Variants in SLC12A2 observed in about 807,000 individuals in gnomAD.
SLC12A2 encodes the protein Na-K-2Cl cotransporter 1.
Under a neutral mutation model 136.3 loss-of-function variants are expected in SLC12A2, and 67 were observed. That is an observed-to-expected ratio of 0.49 (90% CI 0.40 to 0.60). SLC12A2 has a LOEUF of 0.60. Among genes scored for constraint, SLC12A2 ranks in the 20% least tolerant of loss-of-function variants. The pLI is 0.00. For missense variants in SLC12A2, 1,322 were observed against 1,534.7 expected, an observed-to-expected ratio of 0.86 and a Z score of 2.32; for synonymous variants, 619 against 562.9, an observed-to-expected ratio of 1.10 and a Z score of -1.41.
At chr5:128,096,351 A>G (rs1275048646) in intron 1 of SLC12A2, among the ~76,000 whole-genome samples, 1 of 152,134 alleles carries the variant, frequency 6.6e-6, no homozygotes, top group African/African-American at 2.4e-5. Context: ...ATAAGTTTGA[A>G]TCCTGATGAG....
chr5:128,096,458 T>C (rs1760540719), intron 1 of SLC12A2, among the ~76,000 whole-genome samples: 1 of 152,068 alleles, frequency 6.6e-6, no homozygotes, highest in African/African-American at 2.4e-5. Flanking sequence ...TAGAAACTAA[T>C]GTTATGGCAA....
At chr5:128,143,290 A>G (rs1000628939) in intron 10 of SLC12A2, among the ~76,000 whole-genome samples, 2 of 152,206 alleles carry the variant, frequency 1.3e-5, no homozygotes, top group African/African-American at 4.8e-5. Context: ...TTAAAAAAGC[A>G]TTGATCAGTA....
chr5:128,092,382 A>G (rs1023599658), intron 1 of SLC12A2, among the ~76,000 whole-genome samples: 1 of 152,186 alleles, frequency 6.6e-6, no homozygotes, highest in African/African-American at 2.4e-5. Context: ...GGTCTTGGAA[A>G]GAGGTAGGAA....
At chr5:128,095,675 T>A (rs2126645703) in intron 1 of SLC12A2, among the ~76,000 whole-genome samples, 1 of 152,228 alleles carries the variant, frequency 6.6e-6, no homozygotes, top group South Asian at 2.1e-4. Context: ...ATTATGAAAT[T>A]TTTTTTGCAA....
At chr5:128,154,775 C>A (rs983393883) in intron 15 of SLC12A2, among the ~76,000 whole-genome samples, 9 of 152,106 alleles carry the variant, frequency 5.9e-5, no homozygotes, top group African/African-American at 2.2e-4. Flanking sequence ...CTTAACTAAG[C>A]CCTTATTGCA....
chr5:128,084,562 C>T lies in SLC12A2; in HGVS notation c.608C>T (p.Thr203Ile). The T allele has an allele frequency of 6.2e-7, 1 of 1,613,710 alleles. No homozygotes were observed. Among genetic ancestry groups the T allele is most frequent in the Non-Finnish European group, 8.5e-7 (1 of 1,179,988 alleles). ...SGHHQHYYYDTHTNTYYLRTF... is the reference protein window; with the variant it reads ...SGHHQHYYYDIHTNTYYLRTF... ...CACCACCAGCACTACTATTATGATA[C>T]CCACACCAACACCTACTACCTGCGC... The change falls in exon 1 of 27, where the codon ACC becomes ATC. Residue 203 changes from threonine (T) to isoleucine (I), a missense_variant. Physicochemically the swap from Thr to Ile is moderately conservative, Grantham distance 89. This residue lies in a region of SLC12A2 where 32 missense variants were observed against 63.6 expected (regional missense o/e 0.50). Transcript: ENST00000262461. The surrounding 1 kb of genome is among the most constrained non-coding windows in gnomAD (Gnocchi z 5.6).
intron 4 of SLC12A2, among the ~76,000 whole-genome samples, chr5:128,127,171 G>C (rs1490502940): frequency 7.5e-6 from 1 of 132,906 alleles, no homozygotes; most frequent in Non-Finnish European, 1.5e-5. Context: ...ACCCAGGCTG[G>C]AGTGCAGTGG....
At chr5:128,155,506 G>C (rs900099208) in intron 15 of SLC12A2, among the ~76,000 whole-genome samples, 4 of 152,190 alleles carry the variant, frequency 2.6e-5, no homozygotes, top group Non-Finnish European at 5.9e-5. Context: ...AATTATTACT[G>C]TTTTTTCTTT....
Position 128,184,889 on chromosome 5 carries a change from AATTTATGATAAT to A in SLC12A2, c.3503+36_3503+47del, listed in dbSNP as rs758297189. The A allele has an allele frequency of 6.7e-6, 10 of 1,488,306 alleles. No homozygotes were observed. In the African/African-American group the frequency reaches 1.4e-4, roughly 21 times the overall value. The allele number at this position is 1,488,306 out of a possible 1,614,324, so 92.2% of individuals were successfully genotyped here. Reference sequence around the variant, plus strand: ...ATATCTTTATAAAGATTTTCTTGCTAATTTATGATAATATGCTTTGAATTAATTTCTATTCCA... The same window carrying A: ...ATATCTTTATAAAGATTTTCTTGCTAATGCTTTGAATTAATTTCTATTCCA... On this transcript the variant is annotated intron_variant, in intron 26 of 26. Coordinates refer to ENST00000262461, the MANE Select transcript of SLC12A2 (RefSeq NM_001046.3).
intron 11 of SLC12A2, among the ~76,000 whole-genome samples, chr5:128,148,391 A>G (rs1459730652): frequency 6.6e-6 from 1 of 151,800 alleles, no homozygotes; most frequent in African/African-American, 2.4e-5. Context: ...TATAATCAAG[A>G]TTTTTATCTG....
chr5:128,134,608 T>C (rs1284557571), intron 6 of SLC12A2, among the ~76,000 whole-genome samples: 1 of 152,114 alleles, frequency 6.6e-6, no homozygotes, highest in African/African-American at 2.4e-5. Flanking sequence ...TATTTAAAAG[T>C]TCAACTTAGA....
chr5:128,168,935 T>A (rs1467396229), intron 18 of SLC12A2: 1 of 152,200 alleles, frequency 6.6e-6, no homozygotes, highest in African/African-American at 2.4e-5. Flanking sequence ...TCTTTGCTAC[T>A]TTGTCTTTCT....
intron 4 of SLC12A2, among the ~76,000 whole-genome samples, chr5:128,126,255 G>C (rs537223678): frequency 1.3e-5 from 2 of 152,134 alleles, no homozygotes; most frequent in African/African-American, 4.8e-5. Flanking sequence ...GTTTAAAAAT[G>C]GGTAAAAGAT....
At chr5:128,145,925 A>T (rs888848439) in intron 10 of SLC12A2, among the ~76,000 whole-genome samples, 1 of 152,032 alleles carries the variant, frequency 6.6e-6, no homozygotes, top group African/African-American at 2.4e-5. Flanking sequence ...CTAGGTGATG[A>T]TCACCATTCA....
At position 128,171,965 on chromosome 5, in the gene SLC12A2, A is replaced by T. The variant is rs557765019; in HGVS notation, c.2803+219A>T. The T allele has an allele frequency of 7.7e-5, 29 of 377,850 alleles. No homozygotes were observed. The East Asian group carries it at 1.2e-3, about 16-fold the overall frequency. The allele number at this position is 377,850 out of a possible 1,614,324, so 23.4% of individuals were successfully genotyped here. On this transcript the variant is annotated intron_variant, in intron 19 of 26. Transcript: ENST00000262461. ...TGGTTAGTGATTATTTGGATTGAAT[A>T]AAATTCAATCCAAAGCATAAGCTTA...
At chr5:128,105,877 C>T (rs1379338889) in intron 1 of SLC12A2, among the ~76,000 whole-genome samples, 1 of 152,054 alleles carries the variant, frequency 6.6e-6, no homozygotes, top group South Asian at 2.1e-4. Context: ...AGCTTTTTAT[C>T]CCTGGCCCCT....
chr5:128,097,976 C>T (rs935731910), intron 1 of SLC12A2, among the ~76,000 whole-genome samples: 2 of 151,944 alleles, frequency 1.3e-5, no homozygotes, highest in Non-Finnish European at 2.9e-5. Flanking sequence ...TAGTTGACAG[C>T]TTTCTTCTTT....
chr5:128,177,062 A>T, intron 20 of SLC12A2, 43 bp from the exon 21 acceptor site: 2 of 1,237,236 alleles, frequency 1.6e-6, no homozygotes, highest in Middle Eastern at 4.4e-4. Context: ...TTATTAATAT[A>T]AAGGCAATTA....
At chr5:128,171,910 T>C (rs1333911456) in intron 19 of SLC12A2, 164 bp downstream of exon 19, 1 of 490,096 alleles carries the variant, frequency 2.0e-6, no homozygotes, top group Non-Finnish European at 3.5e-6. Context: ...CACTAAAGTT[T>C]GTGTTTTCTC....
Sources: allele counts gnomAD v4.1 joint callset (sites outside exome capture counted in the v4.1 genomes callset), GRCh38; gene constraint gnomAD v4.1.1; regional missense constraint gnomAD v4.1.1; non-coding constraint Gnocchi (gnomAD v3.1); transcripts MANE v1.5; gene names NCBI Gene and HGNC (gene_info 2026-07-23, HGNC 2026-07-21).